The following MAML2 variants were observed in gnomAD, a reference collection of about 807,000 sequenced individuals.
MAML2 encodes the protein mastermind like transcriptional coactivator 2.
A neutral mutation model predicts 96.1 loss-of-function variants in MAML2; 22 were observed. The observed-to-expected ratio is 0.23, with a 90% confidence interval of 0.16 to 0.33. MAML2 has a LOEUF of 0.33. Ranked by LOEUF, MAML2 falls within the 10% of genes least tolerant of loss-of-function variation. MAML2 has a pLI of 1.00. For missense variants in MAML2, 1,367 were observed against 1,392.4 expected (o/e 0.98, Z 0.29); for synonymous variants, 561 against 521.3 (o/e 1.08, Z -1.04).
intron 1 of MAML2, among the ~76,000 whole-genome samples, chr11:96,253,658 T>C (rs778461012): frequency 2.6e-5 from 4 of 152,218 alleles, no homozygotes; most frequent in Non-Finnish European, 4.4e-5. Flanking sequence ...AACCCCATTT[T>C]CCTCAAGAAA....
chr11:96,036,198 GT>G (rs1395657411), intron 2 of MAML2, among the ~76,000 whole-genome samples: 1 of 152,104 alleles, frequency 6.6e-6, no homozygotes, highest in Non-Finnish European at 1.5e-5. Context: ...CATCTAATGA[GT>G]GGCTTAACCC....
intron 2 of MAML2, among the ~76,000 whole-genome samples, chr11:96,034,003 C>T (rs1435242460): frequency 6.6e-6 from 1 of 152,084 alleles, no homozygotes; most frequent in Non-Finnish European, 1.5e-5. Context: ...CTTTTCTTTC[C>T]TATTATTTTT....
chr11:96,007,547 T>C (rs1706432038), intron 2 of MAML2, among the ~76,000 whole-genome samples: 1 of 152,162 alleles, frequency 6.6e-6, no homozygotes, highest in Admixed American at 6.5e-5. Flanking sequence ...TACATGTATG[T>C]TTTCTTTTAC....
At chr11:96,094,853 T>C (rs1859798808) in intron 1 of MAML2, among the ~76,000 whole-genome samples, 1 of 152,216 alleles carries the variant, frequency 6.6e-6, no homozygotes, top group Non-Finnish European at 1.5e-5. Context: ...TCACTTCTCC[T>C]ATCTTCTCTT....
At chr11:96,206,388 G>T (rs979462652) in intron 1 of MAML2, among the ~76,000 whole-genome samples, 3 of 152,146 alleles carry the variant, frequency 2.0e-5, no homozygotes, top group Non-Finnish European at 2.9e-5. Flanking sequence ...ACGAAGTCAG[G>T]AGTTTGAGAC....
chr11:95,977,337 A>C lies in MAML2; in HGVS notation c.*1611T>G. The C allele has an allele frequency of 5.3e-6, 1 of 187,648 alleles. No homozygotes were observed. Among genetic ancestry groups the C allele is most frequent in the East Asian group, 8.6e-5 (1 of 11,632 alleles). 11.6% of individuals were successfully genotyped at this position (187,648 alleles called of 1,614,324 possible). The stretch of plus-strand genomic sequence containing the variant: ...TTTATTTATATTTACAAACTAGCAC[A>C]GGGAAGATTCTGGGCCAGTGATGTT... On this transcript the variant is annotated 3_prime_UTR_variant, in exon 5 of 5. Transcript: ENST00000524717.
chr11:96,268,015 G>A (rs146218270), intron 1 of MAML2, among the ~76,000 whole-genome samples: 3 of 152,198 alleles, frequency 2.0e-5, no homozygotes, highest in African/African-American at 7.2e-5. Flanking sequence ...TGGAAACATG[G>A]AGATGGCTTT....
intron 3 of MAML2, among the ~76,000 whole-genome samples, chr11:95,986,764 A>C (rs545293971): frequency 9.9e-5 from 15 of 152,226 alleles, no homozygotes; most frequent in African/African-American, 3.6e-4. Context: ...CTGACACACA[A>C]TACGAGGCCC....
chr11:95,996,324 C>A (rs1857990212), intron 2 of MAML2, among the ~76,000 whole-genome samples: 1 of 152,066 alleles, frequency 6.6e-6, no homozygotes, highest in Non-Finnish European at 1.5e-5. Context: ...GAAAACCAAC[C>A]TTTTCTAAGA....
intron 1 of MAML2, among the ~76,000 whole-genome samples, chr11:96,172,171 T>G (rs1456812063): frequency 1.3e-5 from 2 of 152,220 alleles, no homozygotes; most frequent in Non-Finnish European, 2.9e-5. Flanking sequence ...TGGTGCTCAA[T>G]AAATATTTTT....
chr11:96,114,550 C>T (rs1860200920), intron 1 of MAML2, among the ~76,000 whole-genome samples: 1 of 152,204 alleles, frequency 6.6e-6, no homozygotes, highest in South Asian at 2.1e-4. Flanking sequence ...TCACACCCTC[C>T]CTAGACTCTT....
At chr11:96,174,296 T>C (rs1861348374) in intron 1 of MAML2, among the ~76,000 whole-genome samples, 1 of 152,250 alleles carries the variant, frequency 6.6e-6, no homozygotes, top group Non-Finnish European at 1.5e-5. Context: ...GCATATCCTC[T>C]GTGAACACTC....
intron 2 of MAML2, among the ~76,000 whole-genome samples, chr11:96,002,890 G>T (rs1423928528): frequency 6.9e-6 from 1 of 144,156 alleles, no homozygotes; most frequent in African/African-American, 2.7e-5. Context: ...TGATGAGGAG[G>T]ATGATGGGGA....
chr11:96,163,968 T>C (rs1655306626), intron 1 of MAML2, among the ~76,000 whole-genome samples: 1 of 151,776 alleles, frequency 6.6e-6, no homozygotes, highest in Non-Finnish European at 1.5e-5. Context: ...GTTCAAGCGA[T>C]TCTCCTACCT....
chr11:96,241,475 T>G (rs1862437200), intron 1 of MAML2, among the ~76,000 whole-genome samples: 1 of 152,186 alleles, frequency 6.6e-6, no homozygotes, highest in African/African-American at 2.4e-5. Flanking sequence ...CTTTTGTAAC[T>G]GGAGGGAGGG....
chr11:96,256,275 A>C (rs1051709952), intron 1 of MAML2, among the ~76,000 whole-genome samples: 1 of 152,166 alleles, frequency 6.6e-6, no homozygotes, highest in Non-Finnish European at 1.5e-5. Flanking sequence ...TCAGGATTCC[A>C]ACTTGAAACT....
chr11:95,994,773 T>C (rs1378418259), intron 2 of MAML2, among the ~76,000 whole-genome samples: 3 of 152,196 alleles, frequency 2.0e-5, no homozygotes, highest in Non-Finnish European at 4.4e-5. Context: ...GTTTTTTTGT[T>C]TTGGTTTATT....
At chr11:96,040,181 A>G (rs768779401) in intron 2 of MAML2, among the ~76,000 whole-genome samples, 1 of 152,174 alleles carries the variant, frequency 6.6e-6, no homozygotes, top group Non-Finnish European at 1.5e-5. Flanking sequence ...GTGACAGATA[A>G]AGCAGACATA....
At chr11:96,114,113 C>G (rs1446062892) in intron 1 of MAML2, among the ~76,000 whole-genome samples, 1 of 151,960 alleles carries the variant, frequency 6.6e-6, no homozygotes, top group African/African-American at 2.4e-5. Flanking sequence ...AAGACAGAGT[C>G]TTGCTACATT....
Sources: gnomAD v4.1 joint callset for allele counts (sites outside exome capture counted in the v4.1 genomes callset) on GRCh38, gnomAD v4.1.1 for gene constraint, MANE v1.5 for transcripts, NCBI Gene and HGNC (gene_info 2026-07-23, HGNC 2026-07-21) for gene names.